The following TLL1 variants were observed in gnomAD, a reference collection of about 807,000 sequenced individuals.
The protein encoded by TLL1 is tolloid-like protein 1.
In TLL1, 49 loss-of-function variants were observed where a neutral mutation model predicts 128.2. The observed-to-expected ratio is 0.38, with a 90% CI of 0.30 to 0.48. The LOEUF (loss-of-function observed/expected upper bound fraction) is 0.48. Ranked by LOEUF, TLL1 falls within the 20% of genes least tolerant of loss-of-function variation. The pLI, the probability that TLL1 is intolerant of heterozygous loss-of-function variation, is 0.96. For missense variants in TLL1, 1,123 were observed against 1,242.0 expected (o/e 0.90, Z 1.44); for synonymous variants, 454 against 418.8 (o/e 1.08, Z -1.03).
intron 10 of TLL1, among the ~76,000 whole-genome samples, chr4:166,041,420 C>G (rs530155547): frequency 2.0e-5 from 3 of 151,810 alleles, no homozygotes; most frequent in African/African-American, 7.3e-5. Context: ...CCTGCCTCAG[C>G]CTTCCGAGTA....
chr4:165,993,595 AT>A (rs2111016958), intron 3 of TLL1, among the ~76,000 whole-genome samples: 1 of 152,226 alleles, frequency 6.6e-6, no homozygotes, highest in South Asian at 2.1e-4. Context: ...CAGAGTCCCT[AT>A]TTGTTGTGTC....
At chr4:166,025,589 G>C (rs1738458961) in intron 9 of TLL1, among the ~76,000 whole-genome samples, 158 bp downstream of exon 9, 1 of 152,036 alleles carries the variant, frequency 6.6e-6, no homozygotes, top group East Asian at 1.9e-4. Context: ...TAAACTCCAG[G>C]AATTTTTTTG....
At chr4:165,881,846 T>C (rs1214521084) in intron 1 of TLL1, among the ~76,000 whole-genome samples, 2 of 152,142 alleles carry the variant, frequency 1.3e-5, no homozygotes, top group African/African-American at 4.8e-5. Flanking sequence ...GGGTTGGATG[T>C]GGGTAGAATT....
chr4:165,988,478 A>C (rs1736486028), intron 1 of TLL1, among the ~76,000 whole-genome samples: 1 of 151,892 alleles, frequency 6.6e-6, no homozygotes. Context: ...GCATTACAAA[A>C]ATTAGCCCAG....
At chr4:166,019,700 T>C (rs1214233658) in intron 8 of TLL1, among the ~76,000 whole-genome samples, 2 of 152,136 alleles carry the variant, frequency 1.3e-5, no homozygotes, top group African/African-American at 4.8e-5. Flanking sequence ...TAAATACTGC[T>C]GAACTTTACT....
At chr4:165,954,711 A>G (rs1290255543) in intron 1 of TLL1, among the ~76,000 whole-genome samples, 1 of 152,148 alleles carries the variant, frequency 6.6e-6, no homozygotes, top group Non-Finnish European at 1.5e-5. Flanking sequence ...TGGCACTCTG[A>G]AAGCACCCAG....
chr4:165,877,511 A>T (rs1406587276), intron 1 of TLL1, among the ~76,000 whole-genome samples: 1 of 152,252 alleles, frequency 6.6e-6, no homozygotes, highest in Admixed American at 6.5e-5. Context: ...GCAAGAGCTC[A>T]TTCCAGAGCA....
rs370480849 is a variant in TLL1, at chr4:165,994,371, G to A, written c.362-10G>A. The A allele has an allele frequency of 1.9e-6, 3 of 1,613,762 alleles. No individual in the cohort carries two copies. The highest frequency in any genetic ancestry group is 2.5e-6 in the Non-Finnish European group (3 of 1,179,846). On this transcript the variant is annotated splice_polypyrimidine_tract_variant and intron_variant, in intron 3 of 20. Transcript: ENST00000061240. ...TTCTGTTTCACAGAATGTTTTAAAT[G>A]TCACTGCAGGCTTGGAGCAAAACAA... is the stretch of plus-strand genomic sequence containing the variant.
At chr4:165,971,631 G>T (rs1416980855) in intron 1 of TLL1, among the ~76,000 whole-genome samples, 1 of 152,216 alleles carries the variant, frequency 6.6e-6, no homozygotes, top group African/African-American at 2.4e-5. Context: ...AAACGTGGGG[G>T]ATGAGAAGCC....
chr4:165,998,711 G>C (rs1737006135), intron 5 of TLL1, among the ~76,000 whole-genome samples: 1 of 151,670 alleles, frequency 6.6e-6, no homozygotes, highest in Non-Finnish European at 1.5e-5. Context: ...GCAGGAGAAT[G>C]GCGTGAACCT....
At chr4:165,941,106 C>T (rs560448849) in intron 1 of TLL1, among the ~76,000 whole-genome samples, 2 of 152,082 alleles carry the variant, frequency 1.3e-5, no homozygotes, top group Admixed American at 1.3e-4. Flanking sequence ...GTGTCAAGCT[C>T]ATATAAAACT....
chr4:166,095,874 T>C (rs987784), intron 19 of TLL1, among the ~76,000 whole-genome samples: 97,837 of 152,028 alleles, frequency 0.64, 31,921 homozygotes, highest in Middle Eastern at 0.84. Flanking sequence ...ACTAAATAAC[T>C]GGTTTTATAT....
At chr4:165,884,280 G>T (rs1731082965) in intron 1 of TLL1, among the ~76,000 whole-genome samples, 1 of 152,114 alleles carries the variant, frequency 6.6e-6, no homozygotes, top group Non-Finnish European at 1.5e-5. Flanking sequence ...TTTGAAAATA[G>T]ATACTATTAT....
At chr4:166,038,224 C>T (rs1739085344) in intron 9 of TLL1, among the ~76,000 whole-genome samples, 1 of 152,070 alleles carries the variant, frequency 6.6e-6, no homozygotes, top group Non-Finnish European at 1.5e-5. Flanking sequence ...CTCTCTCCTT[C>T]TCTGCCTTTC....
At chr4:166,098,183 A>G (rs758467733) in intron 19 of TLL1, among the ~76,000 whole-genome samples, 34 of 151,838 alleles carry the variant, frequency 2.2e-4, no homozygotes, top group Admixed American at 1.2e-3. Flanking sequence ...AAAATACAAA[A>G]CATTAGCCAC....
In TLL1 at chr4:166,000,573, T is replaced by C. The variant is rs1170548804; in HGVS notation, c.633-2818T>C. Among the ~76,000 whole-genome samples the C allele has an allele frequency of 2.6e-5, 4 of 152,312 alleles. No homozygotes were observed. The East Asian group carries it at 7.7e-4, about 29-fold the overall frequency. Reference sequence around the variant, plus strand: ...TGTCTCCCACATTTTGACTTGCAAATAACTATATTCCCTGAATAAAGCCAG... The same window carrying C: ...TGTCTCCCACATTTTGACTTGCAAACAACTATATTCCCTGAATAAAGCCAG... On this transcript the variant is annotated intron_variant, in intron 5 of 20. Coordinates refer to ENST00000061240, the MANE Select transcript of TLL1 (RefSeq NM_012464.5).
chr4:165,917,224 C>T (rs1374680266), intron 1 of TLL1, among the ~76,000 whole-genome samples: 11 of 151,960 alleles, frequency 7.2e-5, no homozygotes, highest in Non-Finnish European at 1.6e-4. Flanking sequence ...AAAAAAAAAT[C>T]GCCTTGCTTC....
intron 1 of TLL1, among the ~76,000 whole-genome samples, chr4:165,983,091 G>T (rs1341769321): frequency 6.6e-6 from 1 of 151,784 alleles, no homozygotes; most frequent in Non-Finnish European, 1.5e-5. Flanking sequence ...AAAATATTAG[G>T]CCATACACAC....
chr4:166,096,386 G>C (rs1014274763), intron 19 of TLL1, among the ~76,000 whole-genome samples: 5 of 149,640 alleles, frequency 3.3e-5, no homozygotes, highest in Admixed American at 6.6e-5. Flanking sequence ...GCAATTTAAG[G>C]CATTTTTTTT....
Sources: allele counts gnomAD v4.1 joint callset (sites outside exome capture counted in the v4.1 genomes callset), GRCh38; gene constraint gnomAD v4.1.1; transcripts MANE v1.5; gene names NCBI Gene and HGNC (gene_info 2026-07-23, HGNC 2026-07-21).